The following TAB3 variants were observed in gnomAD, a reference collection of about 807,000 sequenced individuals.
TAB3 encodes the protein TGF-beta activated kinase 1 (MAP3K7) binding protein 3, also known as TGF-beta-activated kinase 1 and MAP3K7-binding protein 3.
In TAB3, 18 loss-of-function variants were observed where a neutral mutation model predicts 48.1. The observed-to-expected ratio is 0.37, with a 90% CI of 0.26 to 0.55. The LOEUF (loss-of-function observed/expected upper bound fraction) is 0.55. Ranked by LOEUF, TAB3 falls within the 20% of genes least tolerant of loss-of-function variation. The probability of loss-of-function intolerance (pLI) is 0.78; values close to 1 mark genes in which losing one functional copy is unlikely to be tolerated. For synonymous variants in TAB3, 185 were observed against 190.2 expected (o/e 0.97, Z 0.22); for missense variants, 414 against 549.8 (o/e 0.75, Z 2.47).
At position 30,855,131 on chromosome X, in the gene TAB3, T is replaced by C. The variant is rs761516345; in HGVS notation, c.534A>G (p.Pro178=). 1 of 1,211,537 alleles carries C rather than the reference T, an allele frequency of 8.3e-7. No homozygotes were observed. Among genetic ancestry groups the C allele is most frequent in the South Asian group, 1.8e-5 (1 of 56,965 alleles). The stretch of plus-strand genomic sequence containing the variant: ...TGTGCATGTATGAAGGAGGTGGCGG[T>C]GGTGGTGAAGGCCCTTGCATAGCAG... The part of the protein sequence containing the change: ...NPSAMQGPSP[P]PPPPSYMHIP... Residue 178 remains proline (P), a synonymous_variant, in exon 6 of 11, where the codon CCA becomes CCG. Coordinates refer to ENST00000288422, the MANE Select transcript of TAB3 (RefSeq NM_152787.5).
rs938933403 is a variant in TAB3, at chrX:30,829,800, GT to G, written c.*1626del. On this transcript the variant is annotated 3_prime_UTR_variant, in exon 11 of 11. Transcript: ENST00000288422. ...TTCATTATGCTATTAAGAGCAGCTT[GT>G]TTTTCCAGGTCTGCCAGAGATTACT... 2 of 100,177 alleles carry G rather than the reference GT, an allele frequency of 2.0e-5. No homozygotes were observed. Among genetic ancestry groups the G allele is most frequent in the African/African-American group, 7.4e-5 (2 of 27,172 alleles). The allele number at this position is 100,177 out of a possible 1,213,427, so 8.3% of individuals were successfully genotyped here.
chrX:30,877,509 G>A (rs1342342999), intron 1 of TAB3, among the ~76,000 whole-genome samples: 3 of 112,229 alleles, frequency 2.7e-5, no homozygotes, highest in African/African-American at 6.5e-5. Flanking sequence ...CACAAGGTAG[G>A]TAAATGGAAC....
At chrX:30,850,190 G>C (rs958466904) in intron 7 of TAB3, among the ~76,000 whole-genome samples, 2 of 111,335 alleles carry the variant, frequency 1.8e-5, no homozygotes, top group Non-Finnish European at 3.8e-5. Context: ...TACTACAATT[G>C]TCCTCCATTT....
chrX:30,828,821 T>C lies in TAB3; in HGVS notation c.*2606A>G, dbSNP rs767389639. The C allele has an allele frequency of 8.9e-5, 10 of 112,054 alleles. No homozygotes were observed. The highest frequency in any genetic ancestry group is 1.9e-4 in the Non-Finnish European group (10 of 53,207). 9.2% of individuals were successfully genotyped at this position (112,054 alleles called of 1,213,427 possible). A position where few individuals can be genotyped will look rare whatever the true frequency, so the allele number is the denominator to read the frequency against. On this transcript the variant is annotated 3_prime_UTR_variant, in exon 11 of 11. Transcript: ENST00000288422. ...TTATATCCTACCACTTCCATGCCAATTGTCTGTACATACCAACTGACTACA... is the reference window on the plus strand; with the variant it reads ...TTATATCCTACCACTTCCATGCCAACTGTCTGTACATACCAACTGACTACA...
rs772302933 is a variant in TAB3 at position 30,834,057 on chromosome X, C to A, written c.1984G>T (p.Ala662Ser). The change falls in exon 10 of 11, where the codon GCA (alanine) becomes TCA (serine). Residue 662 changes from alanine (A) to serine (S), a missense_variant. Transcript: ENST00000288422. ...TGGACACACAAGTACAAACCATCTG[C>A]AGCTGCTGCCTGGGTGTCATGGATG... ...ADIHDTQAAA[A>S]DEHRTGSTQS... 2 of 1,210,076 alleles carry A rather than the reference C, an allele frequency of 1.7e-6. No homozygotes were observed. The highest frequency in any genetic ancestry group is 5.9e-5 in the East Asian group (2 of 33,840).
intron 8 of TAB3, chrX:30,844,425 T>C (rs1436839100): frequency 8.9e-6 from 1 of 112,370 alleles, no homozygotes; most frequent in Admixed American, 9.4e-5. Flanking sequence ...CACAGTGCTA[T>C]TTGATGTATT....
rs2147315736 is a variant in TAB3, at chrX:30,827,575, A to G, written c.*3852T>C. The stretch of plus-strand genomic sequence containing the variant: ...TTCATCTCAAAATGATTTCATTCAC[A>G]GCATACACAGAAATCTAAAAGAGAC... On this transcript the variant is annotated 3_prime_UTR_variant, in exon 11 of 11. Transcript: ENST00000288422. The G allele has an allele frequency of 8.9e-6, 1 of 112,862 alleles. No homozygotes were observed. The highest frequency in any genetic ancestry group is 3.2e-5 in the African/African-American group (1 of 31,091). 9.3% of individuals were successfully genotyped at this position (112,862 alleles called of 1,213,427 possible). A position where few individuals can be genotyped will look rare whatever the true frequency, so the allele number is the denominator to read the frequency against.
intron 9 of TAB3, among the ~76,000 whole-genome samples, chrX:30,840,955 T>C (rs184038958): frequency 1.2e-4 from 13 of 112,167 alleles, no homozygotes; most frequent in Non-Finnish European, 2.1e-4. Context: ...TTAGTAGACA[T>C]TCAGGCAAAA....
At chrX:30,862,047 C>T (rs774271345) in intron 4 of TAB3, among the ~76,000 whole-genome samples, 1 of 111,699 alleles carries the variant, frequency 9.0e-6, no homozygotes, top group Non-Finnish European at 1.9e-5. Flanking sequence ...TAGGCGACTA[C>T]CTACAACTCT....
chrX:30,865,098 C>G (rs904010710), intron 4 of TAB3, among the ~76,000 whole-genome samples: 2 of 111,821 alleles, frequency 1.8e-5, no homozygotes, highest in African/African-American at 6.5e-5. Flanking sequence ...TATCAGTGTA[C>G]TCTAGTGTGT....
Position 30,855,340 on chromosome X carries a change from G to A in TAB3, c.325C>T (p.Pro109Ser). ...VHSSSDGHID[P>S]QHAAGKQLIC... ...AGCTGTTTACCTGCTGCATGCTGAGGATCAATATGTCCATCACTTGAGCTA... is the reference window on the plus strand; with the variant it reads ...AGCTGTTTACCTGCTGCATGCTGAGAATCAATATGTCCATCACTTGAGCTA... Residue 109 changes from proline to serine, a missense_variant, in exon 6 of 11, where the codon CCT (proline) becomes TCT (serine). Pro to Ser is a moderately conservative substitution (Grantham distance 74). Coordinates refer to ENST00000288422, the MANE Select transcript of TAB3 (RefSeq NM_152787.5). 8.3e-7 allele frequency: 1 copy of A among 1,211,631 alleles called. No individual in the cohort carries two copies. Among genetic ancestry groups the A allele is most frequent in the Non-Finnish European group, 1.1e-6 (1 of 895,429 alleles).
rs1171612514 is a variant in TAB3, at chrX:30,852,768, G to C, written c.1710+10C>G. ...ACCCTCCTATTAACACATCCTAACA[G>C]ATCACTTACCGTAGGGATCGCAGTG... On this transcript the variant is annotated intron_variant, in intron 7 of 10. Coordinates refer to ENST00000288422, the MANE Select transcript of TAB3 (RefSeq NM_152787.5). The C allele has an allele frequency of 4.1e-6, 5 of 1,207,433 alleles. No homozygotes were observed. The highest frequency in any genetic ancestry group is 2.3e-4 in the Middle Eastern group (1 of 4,328).
Position 30,842,966 on chromosome X carries a change from CT to C in TAB3, c.1887del (p.Asp630ThrfsTer17). 1 of 1,128,911 alleles carries C rather than the reference CT, an allele frequency of 8.9e-7. No individual in the cohort carries two copies. The highest frequency in any genetic ancestry group is 2.2e-5 in the South Asian group (1 of 46,124). 93.0% of individuals were successfully genotyped at this position (1,128,911 alleles called of 1,213,427 possible). On this transcript the variant is annotated frameshift_variant and splice_region_variant, in exon 9 of 11. Coordinates refer to ENST00000288422, the MANE Select transcript of TAB3 (RefSeq NM_152787.5). LOFTEE classifies it high-confidence loss of function. ...TATTTGTGACATTTTTCATACTCACCTTTTTTAGATGGCTTGGGTGGTACAA... is the reference window on the plus strand; with the variant it reads ...TATTTGTGACATTTTTCATACTCACCTTTTTAGATGGCTTGGGTGGTACAA... ...GPVVPPKPSK[K>X]DSSDPCTIER...
In TAB3 at chrX:30,855,095, A is replaced by G. The variant is rs779191920; in HGVS notation, c.570T>C (p.Tyr190=). 1 of 1,211,648 alleles carries G rather than the reference A, an allele frequency of 8.3e-7. No individual in the cohort carries two copies. Among genetic ancestry groups the G allele is most frequent in the Admixed American group, 2.2e-5 (1 of 46,032 alleles). ...PPPSYMHIPR[Y]STNPITVTVS... is the part of the protein sequence containing the mutation. Reference sequence around the variant, plus strand: ...CTGTAACAGTAATTGGATTTGTACTATACCGAGGTATGTGCATGTATGAAG... The same window carrying G: ...CTGTAACAGTAATTGGATTTGTACTGTACCGAGGTATGTGCATGTATGAAG... Residue 190 remains tyrosine, a synonymous_variant, in exon 6 of 11, where the codon TAT becomes TAC. Transcript: ENST00000288422.
chrX:30,836,490 C>T (rs1938218766), intron 9 of TAB3: 1 of 111,829 alleles, frequency 8.9e-6, no homozygotes, highest in Admixed American at 9.5e-5. Flanking sequence ...CCCATTATAA[C>T]TAACTCTAAG....
chrX:30,863,455 T>C (rs1053797341), intron 4 of TAB3, among the ~76,000 whole-genome samples: 1 of 112,267 alleles, frequency 8.9e-6, no homozygotes, highest in African/African-American at 3.2e-5. Context: ...ATTCCCAATG[T>C]TGGAGTTGGG....
intron 4 of TAB3, among the ~76,000 whole-genome samples, chrX:30,864,159 A>AC (rs748402945): frequency 4.3e-4 from 48 of 111,096 alleles, no homozygotes; most frequent in African/African-American, 1.5e-3. Flanking sequence ...CCCTTGAAAC[A>AC]CCCCCACTAA....
intron 1 of TAB3, among the ~76,000 whole-genome samples, chrX:30,874,545 A>G (rs1194424727): frequency 2.7e-5 from 3 of 112,377 alleles, no homozygotes; most frequent in African/African-American, 9.7e-5. Flanking sequence ...GTACCTACAA[A>G]TAAACAAGGG....
At position 30,855,579 on chromosome X, in the gene TAB3, G is replaced by T. The variant is rs1186319729; in HGVS notation, c.103-17C>A. On this transcript the variant is annotated splice_polypyrimidine_tract_variant and intron_variant, in intron 5 of 10. Transcript: ENST00000288422. Reference sequence around the variant, plus strand: ...GTTGTTATTCTAGGGGAGAAAAATGGTAAAAGTAACATTGGCAACATTAAC... The same window carrying T: ...GTTGTTATTCTAGGGGAGAAAAATGTTAAAAGTAACATTGGCAACATTAAC... 8.6e-7 allele frequency: 1 copy of T among 1,162,066 alleles called. No homozygotes were observed. The highest frequency in any genetic ancestry group is 1.1e-6 in the Non-Finnish European group (1 of 872,191).
Sources: allele counts gnomAD v4.1 joint callset (sites outside exome capture counted in the v4.1 genomes callset), GRCh38; gene constraint gnomAD v4.1.1; transcripts MANE v1.5; gene names NCBI Gene and HGNC (gene_info 2026-07-23, HGNC 2026-07-21).